The following ODF2 variants were observed in gnomAD, a reference collection of about 807,000 sequenced individuals.
The protein encoded by ODF2 is outer dense fiber of sperm tails 2, also known as outer dense fiber protein 2.
In ODF2, 47 loss-of-function variants were observed where a neutral mutation model predicts 110.2. The ratio of observed to expected loss-of-function variants is 0.43; its 90% CI spans 0.34 to 0.54. ODF2 has a LOEUF of 0.54. Among genes scored for constraint, ODF2 ranks in the 20% least tolerant of loss-of-function variants. ODF2 has a pLI of 0.03. For synonymous variants in ODF2, 352 were observed against 397.7 expected, an observed-to-expected ratio of 0.89 and a Z score of 1.37; for missense variants, 812 against 1,054.5, an observed-to-expected ratio of 0.77 and a Z score of 3.19.
At chr9:128,455,246 C>T, upstream of ODF2, 4 of 1,534,868 alleles carry the variant, frequency 2.6e-6, no homozygotes, top group East Asian at 2.4e-5. Context: ...CACAGAGCGG[C>T]ATAGAGAGTG....
In ODF2 at chr9:128,474,964, GA is replaced by G. The variant is rs200808818; in HGVS notation, c.843+1236del. On this transcript the variant is annotated intron_variant, in intron 8 of 20. Transcript: ENST00000604420. ...GGGGAACAAGAGCAAGACTTTGTCT[GA>G]AAAAAAAAAAAAGTTGTCTGAACTT... Among the ~76,000 whole-genome samples the G allele has an allele frequency of 3.7e-3, 527 of 141,684 alleles. 2 individuals carry two copies. The highest frequency in any genetic ancestry group is 8.0e-3 in the African/African-American group (312 of 38,778). 93.0% of individuals were successfully genotyped at this position (141,684 alleles called of 152,430 possible). A position where few individuals can be genotyped will look rare whatever the true frequency, so the allele number is the denominator to read the frequency against.
chr9:128,482,758 C>A, intron 9 of ODF2, 58 bp from the exon 10 acceptor site: 1 of 1,390,758 alleles, frequency 7.2e-7, no homozygotes, highest in Non-Finnish European at 1.0e-6. Flanking sequence ...TCTGTCCTCC[C>A]TGGGCCGGGC....
chr9:128,486,796 G>A (rs56337001), intron 13 of ODF2, among the ~76,000 whole-genome samples: 249 of 152,304 alleles, frequency 1.6e-3, no homozygotes, highest in Non-Finnish European at 3.0e-3. Context: ...GTTCATATGT[G>A]AATGAGCAAT....
exon 4 of ODF2, chr9:128,461,060 A>G: frequency 6.2e-7 from 1 of 1,614,052 alleles, no homozygotes. Context: ...GTGGGATGCA[A>G]GTGGGAGGTA....
Position 128,466,716 on chromosome 9 carries a change from G to A in ODF2, c.250-2467G>A, listed in dbSNP as rs542737425. 2.0e-5 allele frequency among the ~76,000 whole-genome samples: 3 copies of A among 148,754 alleles called. No homozygotes were observed. In the South Asian group the frequency reaches 6.4e-4, roughly 32 times the overall value. Reference sequence around the variant, plus strand: ...CATGTGGCCGGGCGTGGTGGCTCACGCCTGTAATCCCAACACTTTGGGAGG... The same window carrying A: ...CATGTGGCCGGGCGTGGTGGCTCACACCTGTAATCCCAACACTTTGGGAGG... On this transcript the variant is annotated intron_variant, in intron 4 of 20. Coordinates refer to ENST00000604420, the Ensembl canonical transcript of ODF2.
At chr9:128,455,885 AG>A, upstream of ODF2, 1 of 1,187,558 alleles carries the variant, frequency 8.4e-7, no homozygotes, top group East Asian at 2.9e-5. Flanking sequence ...GATCCAAGGC[AG>A]GGGAAACAGG....
intron 8 of ODF2, 124 bp from the exon 9 acceptor site, chr9:128,481,456 A>G (rs1425861130): frequency 1.5e-6 from 1 of 653,200 alleles, no homozygotes; most frequent in African/African-American, 1.8e-5. Context: ...CAGCCTGGGC[A>G]ACAGAGTAAG....
chr9:128,483,846 A>C (rs1235079859), intron 10 of ODF2, 92 bp from the exon 11 acceptor site: 1 of 860,070 alleles, frequency 1.2e-6, no homozygotes. Context: ...AGATTGCGCC[A>C]CTGCACTCCA....
At chr9:128,480,060 T>G (rs1328154566) in intron 8 of ODF2, among the ~76,000 whole-genome samples, 1 of 152,130 alleles carries the variant, frequency 6.6e-6, no homozygotes, top group East Asian at 1.9e-4. Flanking sequence ...ATATCAAGGT[T>G]GCAGTGAGCT....
At chr9:128,478,604 GA>G (rs781321155) in intron 8 of ODF2, among the ~76,000 whole-genome samples, 1,970 of 136,226 alleles carry the variant, frequency 0.014, 19 homozygotes, top group Non-Finnish European at 0.021. Flanking sequence ...TCTCAAAAAG[GA>G]AAAAAAAAAA....
intron 3 of ODF2, chr9:128,460,645 A>G: frequency 6.2e-7 from 1 of 1,613,988 alleles, no homozygotes. Context: ...AACTCCCGAA[A>G]CCATCAGCGA....
chr9:128,484,207 G>C (rs1440738618), intron 11 of ODF2, among the ~76,000 whole-genome samples, 153 bp downstream of exon 11: 1 of 152,194 alleles, frequency 6.6e-6, no homozygotes, highest in African/African-American at 2.4e-5. Flanking sequence ...AGACATTCCA[G>C]GACAGTGGCA....
In ODF2 at chr9:128,485,801, G is replaced by T. The variant is rs1178701949; in HGVS notation, c.1400+327G>T. Among the ~76,000 whole-genome samples the T allele has an allele frequency of 2.0e-5, 3 of 152,116 alleles. No individual in the cohort carries two copies. Among genetic ancestry groups the T allele is most frequent in the African/African-American group, 7.2e-5 (3 of 41,428 alleles). On this transcript the variant is annotated intron_variant, in intron 13 of 20. Coordinates refer to ENST00000604420, the Ensembl canonical transcript of ODF2. The surrounding 1 kb of genome is among the most constrained non-coding windows in gnomAD (Gnocchi z 5.0). ...ACACAGCATTTGAAATGGGCACCGT[G>T]GTGTCCTCATTCCTATTGGGGAATG...
rs530584400 is a variant in ODF2 at position 128,469,167 on chromosome 9, C to G, written c.250-16C>G. On this transcript the variant is annotated splice_polypyrimidine_tract_variant and intron_variant, in intron 4 of 20. Transcript: ENST00000604420. ...CTGCCTTCTGAGTTCATGTGTTTCT[C>G]CCTCCTCTACATCAGAATCCACCTC... 6 of 1,611,612 alleles carry G rather than the reference C, an allele frequency of 3.7e-6. No homozygotes were observed. The highest frequency in any genetic ancestry group is 2.2e-5 in the East Asian group (1 of 44,824).
chr9:128,500,239 G>T (rs199905507), exon 21 of ODF2: 3 of 1,614,110 alleles, frequency 1.9e-6, no homozygotes, highest in South Asian at 2.2e-5. Flanking sequence ...ATCCGCTCCC[G>T]ATCTCCTCCT....
chr9:128,459,938 A>G (rs1835985852), intron 3 of ODF2, among the ~76,000 whole-genome samples: 1 of 152,180 alleles, frequency 6.6e-6, no homozygotes, highest in Non-Finnish European at 1.5e-5. Flanking sequence ...AGAGAAAAAA[A>G]AAGTTTAAAG....
intron 14 of ODF2, among the ~76,000 whole-genome samples, chr9:128,490,065 C>T (rs985966046): frequency 3.9e-5 from 6 of 152,052 alleles, no homozygotes; most frequent in Non-Finnish European, 8.8e-5. Flanking sequence ...ATTTAGGAGG[C>T]CAGCCATGGT....
intron 2 of ODF2, among the ~76,000 whole-genome samples, chr9:128,458,520 CCCAT>C (rs1835548261): frequency 6.7e-6 from 1 of 148,222 alleles, no homozygotes. Flanking sequence ...CAAGGCCCTT[CCCAT>C]CCTGGACTTT....
rs1431664862 is a variant in ODF2 at position 128,460,244 on chromosome 9, A to C, written c.123+587A>C. 4 of 1,334,454 alleles carry C rather than the reference A, an allele frequency of 3.0e-6. No individual in the cohort carries two copies. The South Asian group carries it at 4.9e-5, about 16-fold the overall frequency. The allele number at this position is 1,334,454 out of a possible 1,614,324, so 82.7% of individuals were successfully genotyped here. A position where few individuals can be genotyped will look rare whatever the true frequency, so the allele number is the denominator to read the frequency against. On this transcript the variant is annotated intron_variant, in intron 3 of 20. Coordinates refer to ENST00000604420, the Ensembl canonical transcript of ODF2. ...GAGCTGTGCATTCCAGCAGGTTTAG[A>C]GGAGATCCAGCCCTAAGAACCCTGG...
Sources: allele counts gnomAD v4.1 joint callset (sites outside exome capture counted in the v4.1 genomes callset), GRCh38; gene constraint gnomAD v4.1.1; non-coding constraint Gnocchi (gnomAD v3.1); transcripts MANE v1.5; gene names NCBI Gene and HGNC (gene_info 2026-07-23, HGNC 2026-07-21).